FGD4: variants seen among roughly 807,000 people sequenced by gnomAD.
The protein encoded by FGD4 is FYVE, RhoGEF and PH domain containing 4, also known as FYVE, RhoGEF and PH domain-containing protein 4.
A neutral mutation model predicts 102.0 loss-of-function variants in FGD4; 42 were observed. The ratio of observed to expected loss-of-function variants is 0.41; its 90% confidence interval spans 0.32 to 0.53. FGD4 has a LOEUF of 0.53. Among genes scored for constraint, FGD4 ranks in the 20% least tolerant of loss-of-function variants. The pLI is 0.21. For synonymous variants in FGD4, 380 were observed against 375.7 expected, an observed-to-expected ratio of 1.01 and a Z score of -0.13; for missense variants, 902 against 1,078.2, an observed-to-expected ratio of 0.84 and a Z score of 2.29.
At chr12:32,510,456 A>G (rs536627347) in intron 1 of FGD4, among the ~76,000 whole-genome samples, 309 of 152,294 alleles carry the variant, frequency 2.0e-3, no homozygotes, top group African/African-American at 7.1e-3. Context: ...TTTTAGGATC[A>G]CTTTTGTTTT....
At chr12:32,605,231 A>C (rs374587952) in intron 7 of FGD4, among the ~76,000 whole-genome samples, 108 of 151,558 alleles carry the variant, frequency 7.1e-4, no homozygotes, top group South Asian at 2.3e-3. Flanking sequence ...GAGCCACTGC[A>C]CCCGGCCTAT....
At chr12:32,498,537 A>G (rs1937960696) in intron 1 of FGD4, among the ~76,000 whole-genome samples, 1 of 152,184 alleles carries the variant, frequency 6.6e-6, no homozygotes, top group South Asian at 2.1e-4. Context: ...TTTTCTTGAA[A>G]TAATTATTTG....
In FGD4 at chr12:32,513,357, A is replaced by G. The variant is rs192449401; in HGVS notation, c.167-50780A>G. On this transcript the variant is annotated intron_variant, in intron 1 of 16. Transcript: ENST00000534526. Reference sequence around the variant, plus strand: ...TTAGGTGTAGGAGTGGAATGGTTGGAATCTGTAAGATAAATGGCACCAGAT... The same window carrying G: ...TTAGGTGTAGGAGTGGAATGGTTGGGATCTGTAAGATAAATGGCACCAGAT... 3.1e-3 allele frequency among the ~76,000 whole-genome samples: 465 copies of G among 152,318 alleles called. 1 individual carries two copies. Among genetic ancestry groups the G allele is most frequent in the Non-Finnish European group, 5.0e-3 (343 of 68,020 alleles).
At chr12:32,561,955 T>C (rs751915451) in intron 1 of FGD4, among the ~76,000 whole-genome samples, 12 of 152,180 alleles carry the variant, frequency 7.9e-5, no homozygotes, top group Non-Finnish European at 1.8e-4. Flanking sequence ...GCGTATGTCA[T>C]GGATGTTGAT....
intron 1 of FGD4, among the ~76,000 whole-genome samples, chr12:32,547,705 T>A (rs1251432838): frequency 6.6e-6 from 1 of 152,226 alleles, no homozygotes; most frequent in Admixed American, 6.5e-5. Flanking sequence ...TAAAGCACTA[T>A]GAAATCCCAA....
chr12:32,630,474 A>G (rs1950434115), intron 14 of FGD4, among the ~76,000 whole-genome samples: 1 of 151,846 alleles, frequency 6.6e-6, no homozygotes, highest in Non-Finnish European at 1.5e-5. Flanking sequence ...GAGGCCAGGA[A>G]TTTGAGACAA....
At chr12:32,424,191 G>A (rs2728683) in intron 1 of FGD4, among the ~76,000 whole-genome samples, 50,746 of 151,762 alleles carry the variant, frequency 0.33, 9,435 homozygotes, top group African/African-American at 0.48. Context: ...TCTACATTAG[G>A]TATTTCTTCT....
chr12:32,636,565 A>C (rs1318010326), intron 15 of FGD4, among the ~76,000 whole-genome samples: 2 of 152,056 alleles, frequency 1.3e-5, no homozygotes, highest in African/African-American at 4.8e-5. Context: ...ATGCTGAAGC[A>C]TCAGTTTTTT....
intron 3 of FGD4, among the ~76,000 whole-genome samples, chr12:32,581,489 T>G (rs1209486297): frequency 6.6e-6 from 1 of 152,208 alleles, no homozygotes; most frequent in Non-Finnish European, 1.5e-5. Flanking sequence ...AAAAAACTCT[T>G]TGGTTCATAA....
At chr12:32,592,647 CTTTATTA>C (rs919533998) in intron 4 of FGD4, among the ~76,000 whole-genome samples, 1 of 152,078 alleles carries the variant, frequency 6.6e-6, no homozygotes, top group Non-Finnish European at 1.5e-5. Context: ...TTTAAGACTA[CTTTATTA>C]TTTATATGTA....
At chr12:32,505,563 G>A (rs1489583354) in intron 1 of FGD4, among the ~76,000 whole-genome samples, 2 of 152,216 alleles carry the variant, frequency 1.3e-5, no homozygotes, top group African/African-American at 4.8e-5. Flanking sequence ...GTGGGTCTAT[G>A]CAGGTTGATG....
At position 32,615,671 on chromosome 12, in the gene FGD4, G is replaced by A. The variant is rs551431576; in HGVS notation, c.1750-4027G>A. Among the ~76,000 whole-genome samples the A allele has an allele frequency of 3.3e-5, 5 of 152,126 alleles. No homozygotes were observed. In the South Asian group the frequency reaches 8.3e-4, roughly 25 times the overall value. On this transcript the variant is annotated intron_variant, in intron 10 of 16. Transcript: ENST00000534526. The stretch of plus-strand genomic sequence containing the variant: ...GGGGTGGGGTGGGGGTGTGGCATAT[G>A]AAGCGGGAGAGCAGTGGGGAAGCAC...
chr12:32,581,874 C>G (rs1219631736), intron 3 of FGD4, 86 bp from the exon 4 acceptor site: 1 of 1,456,058 alleles, frequency 6.9e-7, no homozygotes, highest in Non-Finnish European at 9.5e-7. Flanking sequence ...TAGCGAATAT[C>G]CCTTTTCAAC....
At chr12:32,521,104 G>T (rs1592090336) in intron 1 of FGD4, among the ~76,000 whole-genome samples, 1 of 152,186 alleles carries the variant, frequency 6.6e-6, no homozygotes, top group East Asian at 1.9e-4. Context: ...AAAGGACATT[G>T]CAGGCTGGGC....
At chr12:32,605,320 C>CTT (rs34016545) in intron 7 of FGD4, among the ~76,000 whole-genome samples, 117 of 147,786 alleles carry the variant, frequency 7.9e-4, no homozygotes, top group Middle Eastern at 3.5e-3. Context: ...CCCTTCACTC[C>CTT]TTTTTTTTTT....
chr12:32,552,434 A>AT (rs66646521), intron 1 of FGD4, among the ~76,000 whole-genome samples: 3,170 of 120,538 alleles, frequency 0.026, 118 homozygotes, highest in Admixed American at 0.078. Flanking sequence ...TAATTTTTGC[A>AT]TTTTTTTTTT....
intron 1 of FGD4, among the ~76,000 whole-genome samples, chr12:32,485,562 TC>T (rs1440440052): frequency 6.7e-6 from 1 of 148,670 alleles, no homozygotes; most frequent in Admixed American, 6.8e-5. Context: ...TGCCTCAGCC[TC>T]CCGAGCAGCT....
At chr12:32,621,655 C>G (rs1339747994) in intron 11 of FGD4, among the ~76,000 whole-genome samples, 3 of 152,204 alleles carry the variant, frequency 2.0e-5, no homozygotes, top group Non-Finnish European at 4.4e-5. Flanking sequence ...TTTGAAGAAA[C>G]AGCCAGTTAT....
At chr12:32,493,589 C>T (rs1370552769) in intron 1 of FGD4, among the ~76,000 whole-genome samples, 1 of 152,218 alleles carries the variant, frequency 6.6e-6, no homozygotes, top group Non-Finnish European at 1.5e-5. Flanking sequence ...GAATAACCAA[C>T]AGTGGTGTAG....
Sources: allele counts gnomAD v4.1 joint callset (sites outside exome capture counted in the v4.1 genomes callset), GRCh38; gene constraint gnomAD v4.1.1; transcripts MANE v1.5; gene names NCBI Gene and HGNC (gene_info 2026-07-23, HGNC 2026-07-21).